Variants in CDO1 observed in about 807,000 individuals in gnomAD.
CDO1 encodes cysteine dioxygenase type 1, also known as cysteine dioxygenase, type I.
In CDO1, 19 loss-of-function variants were observed where a neutral mutation model predicts 24.5. The ratio of observed to expected loss-of-function variants is 0.77; its 90% CI spans 0.54 to 1.14. CDO1 has a LOEUF of 1.14. Among genes scored for constraint, CDO1 ranks in the 50% most tolerant of loss-of-function variants. The probability of loss-of-function intolerance (pLI) is 0.00; values close to 1 mark genes in which losing one functional copy is unlikely to be tolerated. For synonymous variants in CDO1, 91 were observed against 87.0 expected (o/e 1.05, Z -0.26); for missense variants, 244 against 244.8 (o/e 1.00, Z 0.02).
chr5:115,810,989 A>G lies in CDO1; in HGVS notation c.403+172T>C, dbSNP rs1054288198. ...ATGTTTTCAATAAGTGATTCCAACC[A>G]AGATACAAAGGCTTAAAAAACAAAA... is the stretch of plus-strand genomic sequence containing the variant. On this transcript the variant is annotated intron_variant, in intron 3 of 4. Transcript: ENST00000250535. 5.3e-5 allele frequency among the ~76,000 whole-genome samples: 8 copies of G among 152,226 alleles called. No individual in the cohort carries two copies. The East Asian group carries it at 1.5e-3, about 29-fold the overall frequency.
intron 1 of CDO1, among the ~76,000 whole-genome samples, chr5:115,813,713 A>C (rs1177025570): frequency 6.6e-6 from 1 of 151,964 alleles, no homozygotes; most frequent in Non-Finnish European, 1.5e-5. Context: ...TCTTAGTTTT[A>C]CTAAAGCCTA....
intron 1 of CDO1, among the ~76,000 whole-genome samples, chr5:115,815,982 C>A (rs1328074053): frequency 1.3e-5 from 2 of 152,246 alleles, no homozygotes; most frequent in Non-Finnish European, 2.9e-5. Flanking sequence ...CCCTTCCCGG[C>A]GCCTGTCCGC....
At chr5:115,815,224 CA>C (rs1237019611) in intron 1 of CDO1, among the ~76,000 whole-genome samples, 1 of 152,060 alleles carries the variant, frequency 6.6e-6, no homozygotes, top group Non-Finnish European at 1.5e-5. Flanking sequence ...ACCCTAAACC[CA>C]AAAAACCACA....
chr5:115,813,552 T>C (rs905294165), intron 1 of CDO1, among the ~76,000 whole-genome samples: 3 of 151,336 alleles, frequency 2.0e-5, no homozygotes, highest in African/African-American at 7.3e-5. Flanking sequence ...AGCCTCAAAC[T>C]GATGGAGTAA....
At chr5:115,806,615 G>T (rs1343472638) in intron 3 of CDO1, 97 bp from the exon 4 acceptor site, 7 of 832,652 alleles carry the variant, frequency 8.4e-6, no homozygotes, top group Non-Finnish European at 1.3e-5. Flanking sequence ...AATCAATTGT[G>T]ATGCAAATGG....
intron 1 of CDO1, among the ~76,000 whole-genome samples, chr5:115,814,691 C>CTAAAGAT (rs1346979570): frequency 3.6e-4 from 55 of 152,256 alleles, no homozygotes; most frequent in African/African-American, 1.1e-3. Context: ...TACACTTGTT[C>CTAAAGAT]TAAAGATTAA....
chr5:115,807,784 G>C (rs1277786496), intron 3 of CDO1, among the ~76,000 whole-genome samples: 1 of 151,778 alleles, frequency 6.6e-6, no homozygotes, highest in Non-Finnish European at 1.5e-5. Context: ...GTTTTCCTGA[G>C]TCGAAGGACA....
chr5:115,812,899 T>G (rs149999650), intron 2 of CDO1, among the ~76,000 whole-genome samples: 1,741 of 151,740 alleles, frequency 0.011, 40 homozygotes, highest in African/African-American at 0.04. Flanking sequence ...AATACAAAAT[T>G]AGCCAGGCAT....
chr5:115,813,355 G>T (rs1760282864), intron 1 of CDO1, 97 bp from the exon 2 acceptor site: 3 of 675,896 alleles, frequency 4.4e-6, no homozygotes, highest in African/African-American at 3.7e-5. Flanking sequence ...ATTCACAAAT[G>T]TTAACATTTC....
chr5:115,815,834 C>T (rs924064562), intron 1 of CDO1, among the ~76,000 whole-genome samples: 17 of 152,246 alleles, frequency 1.1e-4, no homozygotes, highest in Non-Finnish European at 2.2e-4. Flanking sequence ...CTCTCCGCAT[C>T]TCCGCGCCCG....
chr5:115,807,497 C>A (rs905240512), intron 3 of CDO1, among the ~76,000 whole-genome samples: 1 of 152,080 alleles, frequency 6.6e-6, no homozygotes. Context: ...ACAGAGACTA[C>A]TCAGGGGAAG....
chr5:115,806,491 T>C lies in CDO1; in HGVS notation c.431A>G (p.Asn144Ser). Residue 144 changes from asparagine (N) to serine (S), a missense_variant, in exon 4 of 5, where the codon AAC (asparagine) becomes AGC (serine). Asn to Ser is a conservative substitution (Grantham distance 46, BLOSUM62 1). Transcript: ENST00000250535. ...CACAGCAGGTTCCGTATGGCTGATG[T>C]TCTCTACTCGATGTAAGCCAATGGA... ...NDSIGLHRVE[N>S]ISHTEPAVSL... The C allele has an allele frequency of 6.2e-7, 1 of 1,610,416 alleles. No homozygotes were observed. Among genetic ancestry groups the C allele is most frequent in the Non-Finnish European group, 8.5e-7 (1 of 1,178,816 alleles).
chr5:115,812,423 T>C (rs1284685713), intron 2 of CDO1, among the ~76,000 whole-genome samples: 1 of 152,224 alleles, frequency 6.6e-6, no homozygotes, highest in African/African-American at 2.4e-5. Flanking sequence ...AGTTGCCTTT[T>C]CAGTAAAGAA....
At chr5:115,814,346 T>A (rs1760331529) in intron 1 of CDO1, 1 of 152,244 alleles carries the variant, frequency 6.6e-6, no homozygotes, top group Non-Finnish European at 1.5e-5. Context: ...CCAGAAGTCT[T>A]AGGATAATCT....
At chr5:115,815,653 G>A (rs1760398040) in intron 1 of CDO1, among the ~76,000 whole-genome samples, 1 of 152,208 alleles carries the variant, frequency 6.6e-6, no homozygotes, top group Non-Finnish European at 1.5e-5. Context: ...TAAGGTGCCC[G>A]GTTGCAGGCG....
chr5:115,815,922 G>T (rs766348545), intron 1 of CDO1, among the ~76,000 whole-genome samples: 1 of 152,232 alleles, frequency 6.6e-6, no homozygotes, highest in Non-Finnish European at 1.5e-5. Context: ...GAAGCAGAGG[G>T]GTTTGCGGGA....
chr5:115,807,368 C>T (rs965785053), intron 3 of CDO1, among the ~76,000 whole-genome samples: 3 of 152,132 alleles, frequency 2.0e-5, no homozygotes, highest in Non-Finnish European at 4.4e-5. Flanking sequence ...TCAGGGTTAC[C>T]AATTAATTTT....
rs1759870977 is a variant in CDO1, at chr5:115,804,924, A to G, written c.*509T>C. 3 of 152,338 alleles carry G rather than the reference A, an allele frequency of 2.0e-5. No individual in the cohort carries two copies. The highest frequency in any genetic ancestry group is 1.3e-4 in the Admixed American group (2 of 15,292). The allele number at this position is 152,338 out of a possible 1,614,324, so 9.4% of individuals were successfully genotyped here. On this transcript the variant is annotated 3_prime_UTR_variant, in exon 5 of 5. Transcript: ENST00000250535. ...AGTGCCGTAAGTTCCTCTATTATTC[A>G]TAGAAAAGAAATTTGTAAGGTAAGA... is the stretch of plus-strand genomic sequence containing the variant.
intron 3 of CDO1, among the ~76,000 whole-genome samples, chr5:115,809,408 C>T (rs1760090216): frequency 1.3e-5 from 2 of 152,104 alleles, no homozygotes; most frequent in South Asian, 2.1e-4. Flanking sequence ...GTCCTCCCTT[C>T]TCCTCCACCC....
Sources: gnomAD v4.1 joint callset for allele counts (sites outside exome capture counted in the v4.1 genomes callset) on GRCh38, gnomAD v4.1.1 for gene constraint, MANE v1.5 for transcripts, NCBI Gene and HGNC (gene_info 2026-07-23, HGNC 2026-07-21) for gene names.